The following CLIP1 variants were observed in gnomAD, a reference collection of about 807,000 sequenced individuals.
CLIP1 encodes the protein CAP-Gly domain-containing linker protein 1.
Under a neutral mutation model 161.6 loss-of-function variants are expected in CLIP1, and 66 were observed. That is an observed-to-expected ratio of 0.41 (90% CI 0.33 to 0.50). The LOEUF (loss-of-function observed/expected upper bound fraction) is 0.50, where lower values mean the gene tolerates loss of function less well. CLIP1 is among the 20% of genes least tolerant of loss of function. The pLI, the probability that CLIP1 is intolerant of heterozygous loss-of-function variation, is 0.27. For missense variants in CLIP1, 1,376 were observed against 1,702.0 expected (o/e 0.81, Z 3.37); for synonymous variants, 598 against 626.2 (o/e 0.96, Z 0.67).
At chr12:122,357,419 A>G (rs183045041) in intron 5 of CLIP1, among the ~76,000 whole-genome samples, 7,356 of 148,644 alleles carry the variant, frequency 0.049, 477 homozygotes, top group African/African-American at 0.15. Context: ...CCTGTCTGAG[A>G]AGTGAAGAGC....
At chr12:122,288,101 C>T (rs1028546658) in intron 21 of CLIP1, among the ~76,000 whole-genome samples, 5 of 151,656 alleles carry the variant, frequency 3.3e-5, no homozygotes, top group Non-Finnish European at 5.9e-5. Context: ...GGCGCGATCT[C>T]GGCTCACTGC....
intron 10 of CLIP1, among the ~76,000 whole-genome samples, chr12:122,345,758 A>G (rs1055403051): frequency 1.3e-5 from 2 of 151,980 alleles, no homozygotes; most frequent in African/African-American, 4.8e-5. Context: ...ATGTGACTAC[A>G]TATCTTACAT....
chr12:122,364,183 C>G, intron 3 of CLIP1, 76 bp from the exon 4 acceptor site: 1 of 1,526,396 alleles, frequency 6.6e-7, no homozygotes, highest in Non-Finnish European at 9.0e-7. Flanking sequence ...CTACTAGTAA[C>G]TAGGTACTAC....
chr12:122,293,819 T>TG (rs1403028107), intron 20 of CLIP1, among the ~76,000 whole-genome samples: 1 of 149,314 alleles, frequency 6.7e-6, no homozygotes, highest in African/African-American at 2.5e-5. Context: ...TTTTGTTTTT[T>TG]TTTGAGACAG....
rs767430927 is a variant in CLIP1 at position 122,278,248 on chromosome 12, A to T, written c.3917-45T>A. 10 of 1,476,948 alleles carry T rather than the reference A, an allele frequency of 6.8e-6. No homozygotes were observed. The Middle Eastern group carries it at 8.7e-4, about 129-fold the overall frequency. 91.5% of individuals were successfully genotyped at this position (1,476,948 alleles called of 1,614,324 possible). The stretch of plus-strand genomic sequence containing the variant: ...AAAAAAAAACAAGTGGAGGGAGAAT[A>T]TATGTATATTTTTAATCACAATCTA... On this transcript the variant is annotated intron_variant, in intron 23 of 25. Coordinates refer to ENST00000620786, the MANE Select transcript of CLIP1 (RefSeq NM_001247997.2).
At chr12:122,372,514 G>A (rs1023652718) in intron 3 of CLIP1, among the ~76,000 whole-genome samples, 1 of 151,654 alleles carries the variant, frequency 6.6e-6, no homozygotes, top group African/African-American at 2.4e-5. Context: ...TTGAACTCAC[G>A]GGGCAGAGGA....
chr12:122,334,699 T>G lies in CLIP1; in HGVS notation c.2575A>C (p.Lys859Gln), dbSNP rs1028818537. 1 of 1,572,422 alleles carries G rather than the reference T, an allele frequency of 6.4e-7. No homozygotes were observed. Among genetic ancestry groups the G allele is most frequent in the Non-Finnish European group, 8.7e-7 (1 of 1,154,414 alleles). Residue 859 changes from lysine (K) to glutamine (Q), a missense_variant, in exon 13 of 26, where the codon AAG becomes CAG. Coordinates refer to ENST00000620786, the MANE Select transcript of CLIP1 (RefSeq NM_001247997.2). The part of the protein sequence containing the change: ...LEKELQILKE[K>Q]FAEASEEAVS... ...GCCTCCTCTGAAGCTTCAGCAAACT[T>G]TTCTTTCTAAAGAAAAAGAATGAGA...
Position 122,377,942 on chromosome 12 carries a change from T to G in CLIP1, c.104A>C (p.Lys35Thr). Residue 35 changes from lysine to threonine, a missense_variant, in exon 3 of 26, where the codon AAA becomes ACA. Around this residue, in one of 6 missense-constraint regions of CLIP1, gnomAD observed 66 missense variants for 67.8 expected, o/e 0.97. Coordinates refer to ENST00000620786, the MANE Select transcript of CLIP1 (RefSeq NM_001247997.2). The stretch of plus-strand genomic sequence containing the variant: ...TGATGCTTTTTCACTGGATATGGTT[T>G]TTTCTACTGGAGCTACAACTGAAAA... ...TPTAVVAPVE[K>T]TISSEKASST... The G allele has an allele frequency of 6.2e-7, 1 of 1,608,704 alleles. No homozygotes were observed. The highest frequency in any genetic ancestry group is 8.5e-7 in the Non-Finnish European group (1 of 1,178,378).
intron 1 of CLIP1, among the ~76,000 whole-genome samples, chr12:122,419,823 C>G (rs933293385): frequency 2.0e-5 from 3 of 150,118 alleles, no homozygotes; most frequent in African/African-American, 7.3e-5. Context: ...GTAATCCCAG[C>G]TACTCGGGAG....
At chr12:122,366,198 T>C (rs766193340) in intron 3 of CLIP1, among the ~76,000 whole-genome samples, 5 of 151,716 alleles carry the variant, frequency 3.3e-5, no homozygotes, top group Non-Finnish European at 5.9e-5. Flanking sequence ...TCCCAGCTAC[T>C]TGGGAGGCTG....
At position 122,328,359 on chromosome 12, in the gene CLIP1, T is replaced by C. The variant is rs368841249; in HGVS notation, c.2935A>G (p.Ile979Val). Residue 979 changes from isoleucine to valine, a missense_variant, in exon 16 of 26, where the codon ATT becomes GTT. Ile to Val is a conservative substitution (Grantham distance 29). This residue lies in a region of CLIP1 where 948 missense variants were observed against 1,134.8 expected (regional missense o/e 0.84). Coordinates refer to ENST00000620786, the MANE Select transcript of CLIP1 (RefSeq NM_001247997.2). ...TCAGCTTTGACAGTCATGTCCTCAA[T>C]ACTTTTTTGCAGAAAACTTGCATTT... ...NENASFLQKS[I>V]EDMTVKAEQS... The C allele has an allele frequency of 3.7e-6, 6 of 1,613,220 alleles. No homozygotes were observed. The highest frequency in any genetic ancestry group is 3.4e-6 in the Non-Finnish European group (4 of 1,179,830).
intron 20 of CLIP1, among the ~76,000 whole-genome samples, chr12:122,292,798 T>C (rs767782523): frequency 6.6e-5 from 10 of 151,624 alleles, no homozygotes; most frequent in Non-Finnish European, 1.3e-4. Flanking sequence ...GGTCAGGAGA[T>C]CGAGACCATC....
intron 20 of CLIP1, among the ~76,000 whole-genome samples, chr12:122,296,600 T>TA (rs1950476772): frequency 1.3e-5 from 2 of 152,182 alleles, no homozygotes; most frequent in South Asian, 4.1e-4. Context: ...ATTTCTAATT[T>TA]AAAAATAACA....
intron 1 of CLIP1, among the ~76,000 whole-genome samples, chr12:122,421,982 G>C (rs1042128956): frequency 6.6e-6 from 1 of 152,218 alleles, no homozygotes; most frequent in African/African-American, 2.4e-5. Flanking sequence ...CCCCACTTGA[G>C]AGGAAAACAA....
At chr12:122,273,702 CAT>C (rs996403237) in intron 25 of CLIP1, among the ~76,000 whole-genome samples, 3 of 151,826 alleles carry the variant, frequency 2.0e-5, no homozygotes, top group African/African-American at 4.8e-5. Flanking sequence ...ACTTTAAAAA[CAT>C]ATTTATTTTG....
intron 20 of CLIP1, among the ~76,000 whole-genome samples, chr12:122,290,330 T>G (rs1260885267): frequency 6.6e-6 from 1 of 152,118 alleles, no homozygotes; most frequent in Non-Finnish European, 1.5e-5. Context: ...TTTTGCTGCA[T>G]GACTAATTCA....
chr12:122,299,873 GC>G (rs1413807931), intron 20 of CLIP1, among the ~76,000 whole-genome samples: 2 of 151,742 alleles, frequency 1.3e-5, no homozygotes, highest in Non-Finnish European at 2.9e-5. Flanking sequence ...CTGAGATCGT[GC>G]CACTGCACTC....
At position 122,402,991 on chromosome 12, in the gene CLIP1, T is replaced by C. The variant is rs538004769; in HGVS notation, c.-107+19530A>G. Among the ~76,000 whole-genome samples the C allele has an allele frequency of 1.4e-4, 22 of 152,240 alleles. No individual in the cohort carries two copies. The South Asian group carries it at 3.3e-3, about 23-fold the overall frequency. ...GATTATGTGGCTCGTGGCTACTACA[T>C]AGGACACCACCAGGCTAGAATACAT... On this transcript the variant is annotated intron_variant, in intron 1 of 25. Coordinates refer to ENST00000620786, the MANE Select transcript of CLIP1 (RefSeq NM_001247997.2).
chr12:122,357,359 T>A (rs1327070910), intron 5 of CLIP1, among the ~76,000 whole-genome samples: 1 of 144,116 alleles, frequency 6.9e-6, no homozygotes, highest in Middle Eastern at 3.7e-3. Flanking sequence ...ACCCTCCGCC[T>A]GGCAACCGCC....
Sources: gnomAD v4.1 joint callset for allele counts (sites outside exome capture counted in the v4.1 genomes callset) on GRCh38, gnomAD v4.1.1 for gene constraint, gnomAD v4.1.1 regional missense constraint, MANE v1.5 for transcripts, NCBI Gene and HGNC (gene_info 2026-07-23, HGNC 2026-07-21) for gene names.